Variants in TAOK3 observed in about 807,000 individuals in gnomAD.
The protein encoded by TAOK3 is serine/threonine-protein kinase TAO3.
Under a neutral mutation model 120.4 loss-of-function variants are expected in TAOK3, and 40 were observed. That is an observed-to-expected ratio of 0.33 (90% CI 0.26 to 0.43). The LOEUF is 0.43. TAOK3 is among the 20% of genes least tolerant of loss of function. The pLI, the probability that TAOK3 is intolerant of heterozygous loss-of-function variation, is 1.00. For synonymous variants in TAOK3, 355 were observed against 387.5 expected (o/e 0.92, Z 0.99); for missense variants, 821 against 1,112.1 (o/e 0.74, Z 3.72).
At chr12:118,250,751 C>T (rs2040715561) in intron 3 of TAOK3, among the ~76,000 whole-genome samples, 1 of 152,116 alleles carries the variant, frequency 6.6e-6, no homozygotes, top group Non-Finnish European at 1.5e-5. Flanking sequence ...AACTGCAATT[C>T]TGATATGTGC....
At position 118,152,419 on chromosome 12, in the gene TAOK3, C is replaced by T. The variant is rs1332334306; in HGVS notation, c.2353-10G>A. 1 of 1,605,776 alleles carries T rather than the reference C, an allele frequency of 6.2e-7. No individual in the cohort carries two copies. The highest frequency in any genetic ancestry group is 8.5e-7 in the Non-Finnish European group (1 of 1,177,096). On this transcript the variant is annotated splice_polypyrimidine_tract_variant and intron_variant, in intron 19 of 20. Coordinates refer to ENST00000392533, the MANE Select transcript of TAOK3 (RefSeq NM_016281.4). ...CCTCATCTAGCCGTAACTGCGGACA[C>T]AGAAGACACACACGGTCATGCACCC...
At chr12:118,300,879 G>C (rs1332472441) in intron 1 of TAOK3, among the ~76,000 whole-genome samples, 1 of 151,996 alleles carries the variant, frequency 6.6e-6, no homozygotes, top group African/African-American at 2.4e-5. Flanking sequence ...GGGTTCAAGC[G>C]ATTCTCCTGC....
chr12:118,208,368 T>C (rs2038443784), intron 11 of TAOK3, among the ~76,000 whole-genome samples: 1 of 151,628 alleles, frequency 6.6e-6, no homozygotes, highest in South Asian at 2.1e-4. Flanking sequence ...TTTGCATAAC[T>C]CTCCCCACCT....
chr12:118,309,348 C>T (rs2043180264), intron 1 of TAOK3, among the ~76,000 whole-genome samples: 1 of 147,450 alleles, frequency 6.8e-6, no homozygotes, highest in Admixed American at 6.7e-5. Context: ...AAAAAAAAAG[C>T]CAACCTTCTA....
intron 14 of TAOK3, among the ~76,000 whole-genome samples, chr12:118,188,439 A>G (rs2037207114): frequency 6.6e-6 from 1 of 152,198 alleles, no homozygotes; most frequent in African/African-American, 2.4e-5. Context: ...ATAGTGTAGC[A>G]TTCCTTTAAA....
At chr12:118,245,094 T>A in intron 3 of TAOK3, 129 bp from the exon 4 acceptor site, 1 of 547,130 alleles carries the variant, frequency 1.8e-6, no homozygotes, top group Non-Finnish European at 3.0e-6. Flanking sequence ...TCGCTCAGGC[T>A]GGAGTGCAGC....
At chr12:118,305,695 A>T (rs1252447168) in intron 1 of TAOK3, among the ~76,000 whole-genome samples, 1 of 152,102 alleles carries the variant, frequency 6.6e-6, no homozygotes, top group African/African-American at 2.4e-5. Context: ...ACTTGAGGTC[A>T]GGAATTCAGA....
chr12:118,327,796 T>C (rs2043991809), intron 1 of TAOK3, among the ~76,000 whole-genome samples: 1 of 152,190 alleles, frequency 6.6e-6, no homozygotes, highest in Non-Finnish European at 1.5e-5. Context: ...CTAAATAAAA[T>C]TTGAAAGGTC....
chr12:118,322,851 G>A (rs774504710), intron 1 of TAOK3, among the ~76,000 whole-genome samples: 2 of 145,882 alleles, frequency 1.4e-5, no homozygotes, highest in Non-Finnish European at 3.0e-5. Flanking sequence ...TCAGCCTCCC[G>A]AGTAGCTGGG....
chr12:118,212,295 TC>T (rs1202311271), intron 11 of TAOK3, among the ~76,000 whole-genome samples: 1 of 152,212 alleles, frequency 6.6e-6, no homozygotes, highest in Admixed American at 6.5e-5. Context: ...AGAAAACACT[TC>T]TACTGTAAAA....
intron 1 of TAOK3, among the ~76,000 whole-genome samples, chr12:118,325,461 T>C (rs1165195507): frequency 6.6e-6 from 1 of 152,226 alleles, no homozygotes; most frequent in African/African-American, 2.4e-5. Flanking sequence ...GATCTGCATT[T>C]CTCTGATGAT....
In TAOK3 at chr12:118,356,338, C is replaced by T. The variant is rs112739737; in HGVS notation, c.-194+16310G>A. ...TTTTTGAGATGGAGTCCGGCTCTGTCGCTCAGGTTGGAGTGCAGTGGCACA... is the reference window on the plus strand; with the variant it reads ...TTTTTGAGATGGAGTCCGGCTCTGTTGCTCAGGTTGGAGTGCAGTGGCACA... On this transcript the variant is annotated intron_variant, in intron 1 of 20. Coordinates refer to ENST00000392533, the MANE Select transcript of TAOK3 (RefSeq NM_016281.4). 8.7e-3 allele frequency among the ~76,000 whole-genome samples: 1,166 copies of T among 133,990 alleles called. 20 individuals carry two copies. The highest frequency in any genetic ancestry group is 0.03 in the African/African-American group (1,074 of 35,998). The allele number at this position is 133,990 out of a possible 152,430, so 87.9% of individuals were successfully genotyped here. A position where few individuals can be genotyped will look rare whatever the true frequency, so the allele number is the denominator to read the frequency against.
At chr12:118,170,760 C>T (rs2035951529) in intron 17 of TAOK3, among the ~76,000 whole-genome samples, 1 of 152,132 alleles carries the variant, frequency 6.6e-6, no homozygotes. Flanking sequence ...GAGACTCTGT[C>T]TCCACAAAAA....
chr12:118,156,585 G>C (rs529489032), intron 19 of TAOK3, among the ~76,000 whole-genome samples: 101 of 152,224 alleles, frequency 6.6e-4, no homozygotes, highest in African/African-American at 2.3e-3. Context: ...ACGAGCTCCT[G>C]TAGTCTACCA....
Position 118,160,450 on chromosome 12 carries a change from C to A in TAOK3, c.2140-92G>T. 5 of 1,109,684 alleles carry A rather than the reference C, an allele frequency of 4.5e-6. No individual in the cohort carries two copies. The highest frequency in any genetic ancestry group is 6.5e-6 in the Non-Finnish European group (5 of 763,528). 68.7% of individuals were successfully genotyped at this position (1,109,684 alleles called of 1,614,324 possible). ...AATGATATAATACAAGTGCTGAGAG[C>A]GTCTGTTTTTTGGTGCAGTGACTCA... On this transcript the variant is annotated intron_variant, in intron 18 of 20. Transcript: ENST00000392533. The surrounding 1 kb of genome is among the most constrained non-coding windows in gnomAD (Gnocchi z 4.2).
Position 118,234,212 on chromosome 12 carries a change from ATTTTTTTTTTTT to A in TAOK3, c.552-459_552-448del, listed in dbSNP as rs763473530. ...TTAAAGTAATTAAATAAAGCAGGAA[ATTTTTTTTTTTT>A]TTTTTTTTTTTTTTTTTTTTTTGAG... On this transcript the variant is annotated intron_variant, in intron 8 of 20. Transcript: ENST00000392533. 6.1e-3 allele frequency among the ~76,000 whole-genome samples: 354 copies of A among 58,328 alleles called. 2 individuals are homozygous for A. The highest frequency in any genetic ancestry group is 0.018 in the African/African-American group (264 of 14,394). 38.3% of individuals were successfully genotyped at this position (58,328 alleles called of 152,430 possible). A position where few individuals can be genotyped will look rare whatever the true frequency, so the allele number is the denominator to read the frequency against.
At chr12:118,222,698 C>T (rs979539908) in intron 9 of TAOK3, among the ~76,000 whole-genome samples, 2 of 152,126 alleles carry the variant, frequency 1.3e-5, no homozygotes, top group African/African-American at 4.8e-5. Context: ...GCATTATATT[C>T]TCACTTACAA....
rs1420041007 is a variant in TAOK3 at position 118,366,292 on chromosome 12, TAAAG to T, written c.-194+6352_-194+6355del. On this transcript the variant is annotated intron_variant, in intron 1 of 20. Coordinates refer to ENST00000392533, the MANE Select transcript of TAOK3 (RefSeq NM_016281.4). ...AAATAAATAAATAAAAAATAAAAAA[TAAAG>T]AAAATTGGCTATGAACTATGATTCT... 9.9e-5 allele frequency among the ~76,000 whole-genome samples: 15 copies of T among 151,968 alleles called. No individual in the cohort carries two copies. The South Asian group carries it at 2.5e-3, about 25-fold the overall frequency.
At position 118,316,940 on chromosome 12, in the gene TAOK3, A is replaced by G. The variant is rs891682986; in HGVS notation, c.-193-50181T>C. Reference sequence around the variant, plus strand: ...TCCTTGGAATAAATTTAACCAAGGAAGCATAAAAACATGAACAATGAAAAC... The same window carrying G: ...TCCTTGGAATAAATTTAACCAAGGAGGCATAAAAACATGAACAATGAAAAC... On this transcript the variant is annotated intron_variant, in intron 1 of 20. Coordinates refer to ENST00000392533, the MANE Select transcript of TAOK3 (RefSeq NM_016281.4). 3.3e-5 allele frequency among the ~76,000 whole-genome samples: 5 copies of G among 152,304 alleles called. No individual in the cohort carries two copies. The South Asian group carries it at 1.0e-3, about 32-fold the overall frequency.
Sources: allele counts gnomAD v4.1 joint callset (sites outside exome capture counted in the v4.1 genomes callset), GRCh38; gene constraint gnomAD v4.1.1; non-coding constraint Gnocchi (gnomAD v3.1); transcripts MANE v1.5; gene names NCBI Gene and HGNC (gene_info 2026-07-23, HGNC 2026-07-21).